DIAPH1: variants seen among roughly 807,000 people sequenced by gnomAD.
DIAPH1 encodes diaphanous related formin 1.
Under a neutral mutation model 140.7 loss-of-function variants are expected in DIAPH1, and 46 were observed. The ratio of observed to expected loss-of-function variants is 0.33; its 90% CI spans 0.26 to 0.42. The LOEUF (loss-of-function observed/expected upper bound fraction) is 0.42, where lower values mean the gene tolerates loss of function less well. Ranked by LOEUF, DIAPH1 falls within the 10% of genes least tolerant of loss-of-function variation. The probability of loss-of-function intolerance (pLI) is 1.00; values close to 1 mark genes in which losing one functional copy is unlikely to be tolerated. For missense variants in DIAPH1, 1,310 were observed against 1,558.7 expected (o/e 0.84, Z 2.69); for synonymous variants, 565 against 551.6 (o/e 1.02, Z -0.34).
chr5:141,534,423 A>G lies in DIAPH1; in HGVS notation c.2493T>C (p.Asp831=). The change falls in exon 19 of 28, where the codon GAT becomes GAC. Residue 831 remains aspartate, a synonymous_variant. Coordinates refer to ENST00000389054, the MANE Select transcript of DIAPH1 (RefSeq NM_005219.5). ...AQTKTSKAKK[D]QEGGEEKKSV... ...ATTTCTTTTCTTCTCCACCTTCTTG[A>G]TCCTTCTTGGCTAGCAGGGAAAAGA... The G allele has an allele frequency of 6.2e-7, 1 of 1,613,342 alleles. No homozygotes were observed. The highest frequency in any genetic ancestry group is 1.1e-5 in the South Asian group (1 of 91,070).
intron 1 of DIAPH1, among the ~76,000 whole-genome samples, chr5:141,617,193 C>A (rs1336115172): frequency 6.6e-6 from 1 of 150,826 alleles, no homozygotes; most frequent in Non-Finnish European, 1.5e-5. Flanking sequence ...GGAAGGAAAG[C>A]TAACGGGGGG....
rs1052186696 is a variant in DIAPH1, at chr5:141,516,016, G to C, written c.*835C>G. On this transcript the variant is annotated 3_prime_UTR_variant, in exon 28 of 28. Coordinates refer to ENST00000389054, the MANE Select transcript of DIAPH1 (RefSeq NM_005219.5). ...CTTGTAGACAGAGGGTGAGGTGTTG[G>C]GATGGTCACAGTACAACCCATAGTC... 5 of 152,316 alleles carry C rather than the reference G, an allele frequency of 3.3e-5. No homozygotes were observed. The highest frequency in any genetic ancestry group is 7.3e-5 in the Non-Finnish European group (5 of 68,092). 9.4% of individuals were successfully genotyped at this position (152,316 alleles called of 1,614,324 possible). A position where few individuals can be genotyped will look rare whatever the true frequency, so the allele number is the denominator to read the frequency against.
intron 18 of DIAPH1, among the ~76,000 whole-genome samples, chr5:141,567,391 A>G (rs2099894540): frequency 6.6e-6 from 1 of 152,220 alleles, no homozygotes; most frequent in South Asian, 2.1e-4. Flanking sequence ...TTAAATCACA[A>G]GGGACTATTA....
intron 1 of DIAPH1, among the ~76,000 whole-genome samples, chr5:141,608,459 A>C (rs1466115663): frequency 6.6e-6 from 1 of 152,236 alleles, no homozygotes; most frequent in Non-Finnish European, 1.5e-5. Flanking sequence ...TTTAAAGTCT[A>C]AGATCACAGC....
chr5:141,570,206 A>C (rs1245548756), intron 18 of DIAPH1, among the ~76,000 whole-genome samples: 1 of 152,200 alleles, frequency 6.6e-6, no homozygotes, highest in African/African-American at 2.4e-5. Context: ...AATGGCACTA[A>C]AAGTGCAGAG....
At chr5:141,527,458 G>T (rs2099887542) in intron 24 of DIAPH1, 115 bp downstream of exon 24, 4 of 1,142,076 alleles carry the variant, frequency 3.5e-6, no homozygotes, top group Non-Finnish European at 3.7e-6. Context: ...TAAAGAAAAA[G>T]AGTTTTTTAA....
In DIAPH1 at chr5:141,573,656, A is replaced by G; in HGVS notation, c.2194T>C (p.Phe732Leu). ...GGAGGAATGCCAGGGCCTCCGGGAA[A>G]TGGAGGAGGTGGAGGGATTCCAGGA... ...GGPGIPPPPP[F>L]PGGPGIPPPP... Residue 732 changes from phenylalanine to leucine, a missense_variant, in exon 16 of 28, where the codon TTT becomes CTT. Phe to Leu is a conservative substitution (Grantham distance 22, BLOSUM62 0). Coordinates refer to ENST00000389054, the MANE Select transcript of DIAPH1 (RefSeq NM_005219.5). 2 of 1,598,642 alleles carry G rather than the reference A, an allele frequency of 1.3e-6. No homozygotes were observed. The highest frequency in any genetic ancestry group is 1.7e-6 in the Non-Finnish European group (2 of 1,170,562).
At position 141,578,559 on chromosome 5, in the gene DIAPH1, T is replaced by C. The variant is rs1374331735; in HGVS notation, c.1000A>G (p.Ile334Val). 2.5e-6 allele frequency: 4 copies of C among 1,613,796 alleles called. No individual in the cohort carries two copies. The highest frequency in any genetic ancestry group is 2.7e-5 in the African/African-American group (2 of 74,924). ...PAEELDFRVH[I>V]RSELMRLGLH... Reference sequence around the variant, plus strand: ...CCCAAACGCATCAGTTCACTTCTGATGTGAACTCGGAAGTCAAGTTCCTCC... The same window carrying C: ...CCCAAACGCATCAGTTCACTTCTGACGTGAACTCGGAAGTCAAGTTCCTCC... Residue 334 changes from isoleucine (I) to valine (V), a missense_variant, in exon 10 of 28, where the codon ATC becomes GTC. This residue lies in a region of DIAPH1 where 377 missense variants were observed against 497.1 expected (regional missense o/e 0.76). Coordinates refer to ENST00000389054, the MANE Select transcript of DIAPH1 (RefSeq NM_005219.5).
intron 2 of DIAPH1, 124 bp downstream of exon 2, chr5:141,588,100 G>T: frequency 1.2e-6 from 1 of 807,792 alleles, no homozygotes; most frequent in South Asian, 1.4e-5. Flanking sequence ...AAAAAGCCTT[G>T]AGATACTGAG....
intron 18 of DIAPH1, among the ~76,000 whole-genome samples, chr5:141,535,188 A>T (rs2099888826): frequency 6.6e-6 from 1 of 152,128 alleles, no homozygotes; most frequent in South Asian, 2.1e-4. Context: ...GGGATCAAGC[A>T]ATCTGCCTGC....
At chr5:141,598,951 T>G (rs1410657229) in intron 1 of DIAPH1, among the ~76,000 whole-genome samples, 1 of 152,212 alleles carries the variant, frequency 6.6e-6, no homozygotes, top group Admixed American at 6.5e-5. Context: ...AGTAACAGAA[T>G]TCAATCTATT....
rs565706367 is a variant in DIAPH1, at chr5:141,573,589, C to T, written c.2261G>A (p.Gly754Glu). 5.0e-6 allele frequency: 8 copies of T among 1,613,994 alleles called. No homozygotes were observed. In the African/African-American group the frequency reaches 8.0e-5, roughly 16 times the overall value. Reference sequence around the variant, plus strand: ...AACTGGGGCTGCAGGAACTCCAAATCCAAATGGGGGAGGTGGAGGCATACC... The same window carrying T: ...AACTGGGGCTGCAGGAACTCCAAATTCAAATGGGGGAGGTGGAGGCATACC... ...GMGMPPPPPF[G>E]FGVPAAPVLP... Residue 754 changes from glycine to glutamate, a missense_variant, in exon 16 of 28, where the codon GGA (glycine) becomes GAA (glutamate). By Grantham distance (98) the Gly-to-Glu change is moderately conservative. Coordinates refer to ENST00000389054, the MANE Select transcript of DIAPH1 (RefSeq NM_005219.5).
Position 141,579,245 on chromosome 5 carries a change from G to A in DIAPH1, c.825-49C>T, listed in dbSNP as rs200175105. 8.3e-5 allele frequency: 115 copies of A among 1,381,704 alleles called. No homozygotes were observed. In the African/African-American group the frequency reaches 1.0e-3, roughly 12 times the overall value. 85.6% of individuals were successfully genotyped at this position (1,381,704 alleles called of 1,614,324 possible). A position where few individuals can be genotyped will look rare whatever the true frequency, so the allele number is the denominator to read the frequency against. On this transcript the variant is annotated intron_variant, in intron 8 of 27. Transcript: ENST00000389054. ...GAGAACTTTCCAGGTACTGTGACAC[G>A]GACACGTATAATGAGTAAATTACAC...
chr5:141,615,437 GAA>G (rs1013629826), intron 1 of DIAPH1, among the ~76,000 whole-genome samples: 6 of 46,318 alleles, frequency 1.3e-4, no homozygotes, highest in East Asian at 7.3e-4. Flanking sequence ...CTCAGAAAAA[GAA>G]AAAAAAAAAA....
intron 27 of DIAPH1, among the ~76,000 whole-genome samples, chr5:141,522,815 C>A (rs565209107): frequency 1.3e-5 from 2 of 152,282 alleles, no homozygotes; most frequent in Middle Eastern, 6.8e-3. Context: ...CTTCTCCCCA[C>A]GCTTTAGAAA....
chr5:141,515,260 A>C lies in DIAPH1; in HGVS notation c.*1591T>G, dbSNP rs2099885509. The C allele has an allele frequency of 6.6e-6, 1 of 152,460 alleles. No individual in the cohort carries two copies. Among genetic ancestry groups the C allele is most frequent in the African/African-American group, 2.4e-5 (1 of 41,442 alleles). The allele number at this position is 152,460 out of a possible 1,614,324, so 9.4% of individuals were successfully genotyped here. ...CCCAGGGGAGCAACAGACGCCCTGC[A>C]TCAGAGTCCTCCCAGGAATAGTCCA... is the stretch of plus-strand genomic sequence containing the variant. On this transcript the variant is annotated 3_prime_UTR_variant, in exon 28 of 28. Coordinates refer to ENST00000389054, the MANE Select transcript of DIAPH1 (RefSeq NM_005219.5).
intron 3 of DIAPH1, among the ~76,000 whole-genome samples, chr5:141,586,049 G>A (rs2099897495): frequency 6.6e-6 from 1 of 152,158 alleles, no homozygotes; most frequent in Non-Finnish European, 1.5e-5. Flanking sequence ...CTAGAACTGA[G>A]TTGTGGCTGG....
At chr5:141,545,799 A>G (rs1276233930) in intron 18 of DIAPH1, among the ~76,000 whole-genome samples, 1 of 152,224 alleles carries the variant, frequency 6.6e-6, no homozygotes, top group Non-Finnish European at 1.5e-5. Context: ...CTCTGCCGGC[A>G]TAATATGAAA....
chr5:141,583,374 T>G, intron 5 of DIAPH1, 82 bp from the exon 6 acceptor site: 2 of 1,603,082 alleles, frequency 1.2e-6, no homozygotes, highest in Non-Finnish European at 1.7e-6. Context: ...GACAACTTAC[T>G]ACTCCCAATT....
Sources: gnomAD v4.1 joint callset for allele counts (sites outside exome capture counted in the v4.1 genomes callset) on GRCh38, gnomAD v4.1.1 for gene constraint, gnomAD v4.1.1 regional missense constraint, MANE v1.5 for transcripts, NCBI Gene and HGNC (gene_info 2026-07-23, HGNC 2026-07-21) for gene names.